MYO3B: variants seen among roughly 807,000 people sequenced by gnomAD.
MYO3B encodes myosin IIIB.
Under a neutral mutation model 174.6 loss-of-function variants are expected in MYO3B, and 156 were observed. That is an observed-to-expected ratio of 0.89 (90% CI 0.78 to 1.02). The LOEUF (loss-of-function observed/expected upper bound fraction) is 1.02. MYO3B is among the 50% of genes least tolerant of loss of function. MYO3B has a pLI of 0.00. For synonymous variants in MYO3B, 563 were observed against 569.1 expected, an observed-to-expected ratio of 0.99 and a Z score of 0.15; for missense variants, 1,632 against 1,639.4, an observed-to-expected ratio of 1.00 and a Z score of 0.08.
intron 30 of MYO3B, chr2:170,520,021 C>G (rs1559079394): frequency 6.5e-6 from 1 of 153,174 alleles, no homozygotes; most frequent in African/African-American, 2.5e-5. Flanking sequence ...TCTCCCAAGT[C>G]TTTATTCTAC....
At chr2:170,537,560 C>A (rs1197896731) in intron 30 of MYO3B, among the ~76,000 whole-genome samples, 2 of 148,768 alleles carry the variant, frequency 1.3e-5, no homozygotes, top group African/African-American at 5.0e-5. Flanking sequence ...GATCCTCCCA[C>A]CCCAGCTTCC....
chr2:170,273,082 G>C (rs188379503), intron 7 of MYO3B, among the ~76,000 whole-genome samples: 4 of 152,136 alleles, frequency 2.6e-5, no homozygotes, highest in Admixed American at 2.6e-4. Context: ...TTTGCCATTT[G>C]AGACTTAAGA....
At chr2:170,419,304 G>A (rs570520623) in intron 22 of MYO3B, among the ~76,000 whole-genome samples, 2 of 152,086 alleles carry the variant, frequency 1.3e-5, no homozygotes, top group Admixed American at 6.5e-5. Context: ...CAGACTGAGC[G>A]GTTTAAACAA....
intron 30 of MYO3B, among the ~76,000 whole-genome samples, chr2:170,538,756 C>T (rs1199829166): frequency 2.0e-5 from 3 of 152,170 alleles, no homozygotes; most frequent in Non-Finnish European, 2.9e-5. Context: ...AGCGGTCGAG[C>T]CCTGGAGGCA....
chr2:170,262,798 G>A (rs529581803), intron 7 of MYO3B, among the ~76,000 whole-genome samples: 14 of 152,176 alleles, frequency 9.2e-5, no homozygotes, highest in African/African-American at 3.4e-4. Flanking sequence ...GTGTATTTAG[G>A]GCCATTTGTG....
intron 7 of MYO3B, among the ~76,000 whole-genome samples, chr2:170,292,757 T>C (rs2093604330): frequency 6.6e-6 from 1 of 152,188 alleles, no homozygotes; most frequent in Non-Finnish European, 1.5e-5. Context: ...CTCTGAATTG[T>C]ACCTTCTACA....
intron 22 of MYO3B, chr2:170,408,500 T>C (rs2094525518): frequency 6.6e-6 from 1 of 152,272 alleles, no homozygotes; most frequent in Non-Finnish European, 1.5e-5. Context: ...GAGTCAACCT[T>C]TTAGAATGTA....
intron 3 of MYO3B, among the ~76,000 whole-genome samples, chr2:170,209,854 CTAAA>C (rs1183139167): frequency 1.3e-5 from 2 of 152,094 alleles, no homozygotes; most frequent in Non-Finnish European, 1.5e-5. Context: ...AAAATATAAC[CTAAA>C]TAATATTGAA....
chr2:170,471,099 G>A (rs1426492213), intron 25 of MYO3B, among the ~76,000 whole-genome samples: 2 of 151,338 alleles, frequency 1.3e-5, no homozygotes, highest in Non-Finnish European at 2.9e-5. Context: ...CACCCAGGCT[G>A]GAGTGCCCTG....
At chr2:170,533,426 G>T (rs954701327) in intron 30 of MYO3B, among the ~76,000 whole-genome samples, 6 of 45,394 alleles carry the variant, frequency 1.3e-4, no homozygotes, top group African/African-American at 9.2e-4. Flanking sequence ...TTGTGGGGGT[G>T]GGGGGGGGGT....
chr2:170,397,992 C>T lies in MYO3B; in HGVS notation c.1792-2196C>T, dbSNP rs573356023. 1.2e-4 allele frequency among the ~76,000 whole-genome samples: 19 copies of T among 152,030 alleles called. No individual in the cohort carries two copies. The East Asian group carries it at 1.5e-3, about 12-fold the overall frequency. ...ATCCCAGCACTTTGGGAGTCCGAGG[C>T]GGGTGGATCACCTGAGGTCAGGAGT... is the stretch of plus-strand genomic sequence containing the variant. On this transcript the variant is annotated intron_variant, in intron 16 of 34. Transcript: ENST00000408978.
intron 25 of MYO3B, among the ~76,000 whole-genome samples, chr2:170,493,786 A>G (rs1422800842): frequency 1.4e-5 from 2 of 141,422 alleles, no homozygotes; most frequent in Non-Finnish European, 1.5e-5. Flanking sequence ...GAGGGAAGCC[A>G]TCTTCTATAT....
chr2:170,200,957 A>G (rs1300205441), intron 3 of MYO3B, among the ~76,000 whole-genome samples: 1 of 152,168 alleles, frequency 6.6e-6, no homozygotes, highest in African/African-American at 2.4e-5. Flanking sequence ...TGGGGGAGTC[A>G]GTTCTCTGAA....
intron 28 of MYO3B, among the ~76,000 whole-genome samples, chr2:170,504,197 C>T (rs986770995): frequency 2.0e-5 from 3 of 152,120 alleles, no homozygotes; most frequent in Admixed American, 6.5e-5. Flanking sequence ...CAACCATTTC[C>T]GGTTGTTTTC....
intron 32 of MYO3B, among the ~76,000 whole-genome samples, chr2:170,581,927 A>G (rs1160321051): frequency 6.6e-6 from 1 of 152,236 alleles, no homozygotes; most frequent in South Asian, 2.1e-4. Flanking sequence ...GAGACAAAAG[A>G]TGTGTGTCAT....
chr2:170,222,438 G>A (rs1471085979), intron 6 of MYO3B, among the ~76,000 whole-genome samples: 1 of 152,198 alleles, frequency 6.6e-6, no homozygotes, highest in East Asian at 1.9e-4. Context: ...CTGAAACCAA[G>A]ATGCCAGCAG....
In MYO3B at chr2:170,283,041, G is replaced by A. The variant is rs117116183; in HGVS notation, c.749+46905G>A. On this transcript the variant is annotated intron_variant, in intron 7 of 34. Coordinates refer to ENST00000408978, the MANE Select transcript of MYO3B (RefSeq NM_138995.5). ...GCCAGTGGTGTGCTCCCAAGAGGCA[G>A]AGATGCAGAGGCTGTTGTACCCTGG... Among the ~76,000 whole-genome samples, 677 of 152,332 alleles carry A rather than the reference G, an allele frequency of 4.4e-3. 6 individuals carry two copies. The highest frequency in any genetic ancestry group is 0.038 in the East Asian group (198 of 5,182).
intron 32 of MYO3B, among the ~76,000 whole-genome samples, chr2:170,635,037 T>C (rs1287831067): frequency 1.3e-5 from 2 of 152,176 alleles, no homozygotes; most frequent in African/African-American, 4.8e-5. Context: ...GTTCAACCAT[T>C]GTGGAAGACA....
In MYO3B at chr2:170,594,543, CT is replaced by C. The variant is rs145762038; in HGVS notation, c.3733+50556del. On this transcript the variant is annotated intron_variant, in intron 32 of 34. Transcript: ENST00000408978. ...AGCTAACAGACATCTAACAAATTTTCTAATAGCAAATAGGAATTTTACCACA... is the reference window on the plus strand; with the variant it reads ...AGCTAACAGACATCTAACAAATTTTCAATAGCAAATAGGAATTTTACCACA... Among the ~76,000 whole-genome samples, 812 of 152,246 alleles carry C rather than the reference CT, an allele frequency of 5.3e-3. 6 individuals are homozygous for C. The highest frequency in any genetic ancestry group is 0.018 in the African/African-American group (733 of 41,544).
Sources: allele counts gnomAD v4.1 joint callset (sites outside exome capture counted in the v4.1 genomes callset), GRCh38; gene constraint gnomAD v4.1.1; transcripts MANE v1.5; gene names NCBI Gene and HGNC (gene_info 2026-07-23, HGNC 2026-07-21).